The following SUCLG2 variants were observed in gnomAD, a reference collection of about 807,000 sequenced individuals.
The protein encoded by SUCLG2 is succinate--CoA ligase [GDP-forming] subunit beta, mitochondrial.
In SUCLG2, 42 loss-of-function variants were observed where a neutral mutation model predicts 47.9. That is an observed-to-expected ratio of 0.88 (90% CI 0.69 to 1.14). The LOEUF (loss-of-function observed/expected upper bound fraction) is 1.14. Ranked by LOEUF, SUCLG2 falls within the 50% of genes most tolerant of loss-of-function variation. The pLI, the probability that SUCLG2 is intolerant of heterozygous loss-of-function variation, is 0.00. For synonymous variants in SUCLG2, 195 were observed against 197.3 expected, an observed-to-expected ratio of 0.99 and a Z score of 0.10; for missense variants, 571 against 525.9, an observed-to-expected ratio of 1.09 and a Z score of -0.84.
intron 10 of SUCLG2, among the ~76,000 whole-genome samples, chr3:67,397,937 T>C (rs1212763079): frequency 6.6e-6 from 1 of 150,918 alleles, no homozygotes. Context: ...CCCTATTTAA[T>C]AAATGGTGCT....
chr3:67,539,973 ACTAT>A (rs1318040492), intron 2 of SUCLG2, among the ~76,000 whole-genome samples: 2 of 151,022 alleles, frequency 1.3e-5, no homozygotes, highest in African/African-American at 4.9e-5. Flanking sequence ...TGGCTAGCAG[ACTAT>A]CTATTTTGTT....
chr3:67,378,457 A>G (rs548621877), intron 10 of SUCLG2, among the ~76,000 whole-genome samples: 93 of 152,302 alleles, frequency 6.1e-4, no homozygotes, highest in Non-Finnish European at 1.1e-3. Flanking sequence ...ACTCTGGCCA[A>G]CGGCTGATGA....
intron 1 of SUCLG2, among the ~76,000 whole-genome samples, chr3:67,622,535 G>A (rs185767156): frequency 5.3e-5 from 8 of 152,210 alleles, no homozygotes; most frequent in Admixed American, 4.6e-4. Flanking sequence ...CTTCACATTG[G>A]ACCCACAGAT....
chr3:67,383,586 A>C (rs1243703475), intron 10 of SUCLG2, among the ~76,000 whole-genome samples: 1 of 152,206 alleles, frequency 6.6e-6, no homozygotes, highest in Non-Finnish European at 1.5e-5. Flanking sequence ...CCATCACAGC[A>C]GGAGCCCCCA....
chr3:67,364,342 C>G (rs1163576361), intron 10 of SUCLG2, among the ~76,000 whole-genome samples: 1 of 152,060 alleles, frequency 6.6e-6, no homozygotes, highest in Non-Finnish European at 1.5e-5. Context: ...TGGCCTTCCA[C>G]CCCTGCTCAG....
At chr3:67,589,250 C>T (rs1463529403) in intron 2 of SUCLG2, among the ~76,000 whole-genome samples, 1 of 152,176 alleles carries the variant, frequency 6.6e-6, no homozygotes, top group Non-Finnish European at 1.5e-5. Flanking sequence ...TATCTCACTA[C>T]CCTCTTTTAT....
intron 9 of SUCLG2, among the ~76,000 whole-genome samples, chr3:67,436,812 T>C (rs1052708445): frequency 6.6e-6 from 1 of 152,208 alleles, no homozygotes; most frequent in African/African-American, 2.4e-5. Flanking sequence ...TTTTTGTAGG[T>C]ATTTAAATAC....
chr3:67,383,510 G>A (rs947943288), intron 10 of SUCLG2, among the ~76,000 whole-genome samples: 9 of 152,108 alleles, frequency 5.9e-5, no homozygotes, highest in African/African-American at 1.7e-4. Context: ...TAATCTCCTC[G>A]ATGATTTCTT....
intron 4 of SUCLG2, among the ~76,000 whole-genome samples, chr3:67,527,762 G>A (rs1368266099): frequency 6.6e-6 from 1 of 152,106 alleles, no homozygotes; most frequent in African/African-American, 2.4e-5. Flanking sequence ...TGACAGACAC[G>A]CCTGGGGTTG....
intron 2 of SUCLG2, among the ~76,000 whole-genome samples, chr3:67,596,223 C>T (rs1165155317): frequency 6.6e-6 from 1 of 152,154 alleles, no homozygotes; most frequent in Non-Finnish European, 1.5e-5. Flanking sequence ...ACACTTCCAT[C>T]GGAAAACACC....
intron 1 of SUCLG2, among the ~76,000 whole-genome samples, chr3:67,618,356 T>C (rs1232261887): frequency 6.6e-6 from 1 of 151,970 alleles, no homozygotes; most frequent in African/African-American, 2.4e-5. Context: ...GAGGCGGAGG[T>C]TGCAGTGAGC....
At chr3:67,644,273 C>T (rs1031451123) in intron 1 of SUCLG2, among the ~76,000 whole-genome samples, 2 of 151,986 alleles carry the variant, frequency 1.3e-5, no homozygotes, top group Admixed American at 1.3e-4. Flanking sequence ...AAGATATATA[C>T]ACATATCATG....
At chr3:67,595,846 A>G (rs1266789699) in intron 2 of SUCLG2, among the ~76,000 whole-genome samples, 1 of 152,246 alleles carries the variant, frequency 6.6e-6, no homozygotes, top group Non-Finnish European at 1.5e-5. Flanking sequence ...CACCAGATCA[A>G]TATTTGATGA....
chr3:67,535,862 A>G lies in SUCLG2; in HGVS notation c.227-6676T>C, dbSNP rs141912525. ...TGCAAACTCCTCTTTTAGTCAACTCAAACCCAAAACTACACAGGGAAGGGG... is the reference window on the plus strand; with the variant it reads ...TGCAAACTCCTCTTTTAGTCAACTCGAACCCAAAACTACACAGGGAAGGGG... On this transcript the variant is annotated intron_variant, in intron 2 of 10. Coordinates refer to ENST00000307227, the MANE Select transcript of SUCLG2 (RefSeq NM_003848.4). Among the ~76,000 whole-genome samples, 677 of 152,296 alleles carry G rather than the reference A, an allele frequency of 4.4e-3. 8 individuals are homozygous for G. In the East Asian group the frequency reaches 0.054, roughly 12 times the overall value.
chr3:67,381,074 G>A (rs1390821289), intron 10 of SUCLG2, among the ~76,000 whole-genome samples: 1 of 152,110 alleles, frequency 6.6e-6, no homozygotes, highest in African/African-American at 2.4e-5. Context: ...CTACTCAGGA[G>A]GCTGAGGTCA....
intron 9 of SUCLG2, among the ~76,000 whole-genome samples, chr3:67,405,744 T>C (rs1702789687): frequency 6.6e-6 from 1 of 152,212 alleles, no homozygotes; most frequent in East Asian, 1.9e-4. Context: ...TGTCTGAATG[T>C]GTATTTTTCT....
intron 9 of SUCLG2, among the ~76,000 whole-genome samples, chr3:67,430,613 G>A (rs1220124094): frequency 6.6e-6 from 1 of 152,092 alleles, no homozygotes; most frequent in South Asian, 2.1e-4. Context: ...GAGCAGAACT[G>A]AAGGACATAG....
chr3:67,370,350 C>T (rs186354455), downstream of SUCLG2, among the ~76,000 whole-genome samples: 151 of 152,102 alleles, frequency 9.9e-4, no homozygotes, highest in Middle Eastern at 0.024. Flanking sequence ...AACTAGAGGT[C>T]CAAAATTCTT....
intron 1 of SUCLG2, among the ~76,000 whole-genome samples, chr3:67,638,756 T>C (rs1159846587): frequency 6.6e-6 from 1 of 152,228 alleles, no homozygotes; most frequent in Non-Finnish European, 1.5e-5. Flanking sequence ...TCTTGGTCAC[T>C]AAGCAGTAAC....
Sources: allele counts gnomAD v4.1 joint callset (sites outside exome capture counted in the v4.1 genomes callset), GRCh38; gene constraint gnomAD v4.1.1; transcripts MANE v1.5; gene names NCBI Gene and HGNC (gene_info 2026-07-23, HGNC 2026-07-21).